The following NAALADL2 variants were observed in gnomAD, a reference collection of about 807,000 sequenced individuals.
The protein encoded by NAALADL2 is inactive N-acetylated-alpha-linked acidic dipeptidase-like protein 2.
In NAALADL2, 76 loss-of-function variants were observed where a neutral mutation model predicts 87.2. The observed-to-expected ratio is 0.87, with a 90% CI of 0.72 to 1.05. The LOEUF (loss-of-function observed/expected upper bound fraction) is 1.05, where lower values mean the gene tolerates loss of function less well. Ranked by LOEUF, NAALADL2 falls within the 50% of genes least tolerant of loss-of-function variation. The pLI is 0.00. For synonymous variants in NAALADL2, 354 were observed against 331.0 expected (o/e 1.07, Z -0.75); for missense variants, 1,089 against 945.8 (o/e 1.15, Z -1.99).
chr3:174,620,232 C>G (rs533266), intron 2 of NAALADL2, among the ~76,000 whole-genome samples: 98,231 of 151,862 alleles, frequency 0.65, 32,990 homozygotes, highest in East Asian at 0.86. Context: ...AATGAGTCCA[C>G]TTCTTGTCCT....
chr3:175,304,377 G>A (rs1757451003), intron 4 of NAALADL2, among the ~76,000 whole-genome samples: 1 of 152,096 alleles, frequency 6.6e-6, no homozygotes. Flanking sequence ...AGCTATGTAT[G>A]TATGTCCACA....
intron 3 of NAALADL2, among the ~76,000 whole-genome samples, chr3:174,793,732 G>A (rs1392705240): frequency 6.6e-6 from 1 of 151,636 alleles, no homozygotes; most frequent in Non-Finnish European, 1.5e-5. Context: ...CTCTCATACA[G>A]TGTCCTTTAA....
intron 1 of NAALADL2, among the ~76,000 whole-genome samples, chr3:174,861,779 A>T (rs570327523): frequency 2.1e-4 from 32 of 152,158 alleles, no homozygotes; most frequent in African/African-American, 7.5e-4. Context: ...TATTCATCAC[A>T]GTGCTTTTTC....
intron 5 of NAALADL2, among the ~76,000 whole-genome samples, chr3:175,372,557 A>G (rs1766643803): frequency 6.6e-6 from 1 of 152,194 alleles, no homozygotes; most frequent in Admixed American, 6.5e-5. Context: ...GTAATATTCC[A>G]CTTGGAGAAA....
intron 2 of NAALADL2, among the ~76,000 whole-genome samples, chr3:175,126,487 A>G (rs1726972068): frequency 6.6e-6 from 1 of 152,132 alleles, no homozygotes; most frequent in Non-Finnish European, 1.5e-5. Flanking sequence ...AAGTAACTGA[A>G]CAATTCCATT....
chr3:174,840,688 T>C (rs75940301), intron 3 of NAALADL2, among the ~76,000 whole-genome samples: 4,094 of 152,224 alleles, frequency 0.027, 179 homozygotes, highest in African/African-American at 0.093. Flanking sequence ...ATTCAGCCTC[T>C]TATCTTGAAA....
At chr3:175,359,198 C>A (rs1237257312) in intron 5 of NAALADL2, among the ~76,000 whole-genome samples, 1 of 152,058 alleles carries the variant, frequency 6.6e-6, no homozygotes, top group Non-Finnish European at 1.5e-5. Flanking sequence ...ATATTCTATT[C>A]TTGCCAATAT....
chr3:174,762,223 C>G (rs113069330), intron 3 of NAALADL2, among the ~76,000 whole-genome samples: 3 of 147,014 alleles, frequency 2.0e-5, no homozygotes, highest in East Asian at 2.0e-4. Context: ...GCAGTGGCGC[C>G]ATCTCAGCTC....
chr3:175,403,189 G>C (rs1711657908), intron 5 of NAALADL2, among the ~76,000 whole-genome samples: 1 of 151,690 alleles, frequency 6.6e-6, no homozygotes, highest in South Asian at 2.1e-4. Context: ...TTTCTTTTTT[G>C]CTTTGTTTTC....
rs202127351 is a variant in NAALADL2, at chr3:175,373,184, TA to T, written c.1090+48867del. On this transcript the variant is annotated intron_variant, in intron 5 of 13. Transcript: ENST00000454872. Reference sequence around the variant, plus strand: ...AACATATTGAGAAGTAACTTAAATATAAAAAAAAGCACCCAATTAAATGTAA... The same window carrying T: ...AACATATTGAGAAGTAACTTAAATATAAAAAAAGCACCCAATTAAATGTAA... Among the ~76,000 whole-genome samples the T allele has an allele frequency of 9.2e-3, 1,396 of 151,928 alleles. 20 individuals carry two copies. Among genetic ancestry groups the T allele is most frequent in the African/African-American group, 0.03 (1,234 of 41,448 alleles).
chr3:174,684,000 A>T (rs1428200272), intron 2 of NAALADL2, among the ~76,000 whole-genome samples: 1 of 151,906 alleles, frequency 6.6e-6, no homozygotes, highest in East Asian at 1.9e-4. Context: ...TATGCATCAC[A>T]TTTAGGGAAT....
At chr3:175,325,068 C>T (rs906897569) in intron 5 of NAALADL2, among the ~76,000 whole-genome samples, 3 of 152,134 alleles carry the variant, frequency 2.0e-5, no homozygotes, top group Non-Finnish European at 4.4e-5. Context: ...GTGATACTGA[C>T]CCATTAACCG....
At chr3:175,135,582 G>C (rs1205684873) in intron 2 of NAALADL2, among the ~76,000 whole-genome samples, 1 of 152,094 alleles carries the variant, frequency 6.6e-6, no homozygotes, top group African/African-American at 2.4e-5. Flanking sequence ...AAAAAAATCA[G>C]TCAAAAGAAA....
chr3:175,546,669 G>T (rs1221528491), intron 9 of NAALADL2, among the ~76,000 whole-genome samples: 1 of 152,022 alleles, frequency 6.6e-6, no homozygotes, highest in Non-Finnish European at 1.5e-5. Flanking sequence ...GATAAATTCT[G>T]GGTTGGAAAT....
chr3:174,996,974 GCT>G (rs1747548868), intron 1 of NAALADL2, among the ~76,000 whole-genome samples: 1 of 145,694 alleles, frequency 6.9e-6, no homozygotes, highest in African/African-American at 2.6e-5. Flanking sequence ...TCTTTTTATG[GCT>G]GAGTAGTATT....
At position 175,153,738 on chromosome 3, in the gene NAALADL2, G is replaced by A. The variant is rs536424538; in HGVS notation, c.545+56447G>A. ...GTCTGGCCCAGTCTGACTGAGCAAG[G>A]CAAACTCCTGGTGTCATTTAGTTTA... is the stretch of plus-strand genomic sequence containing the variant. On this transcript the variant is annotated intron_variant, in intron 2 of 13. Transcript: ENST00000454872. 4.3e-4 allele frequency among the ~76,000 whole-genome samples: 66 copies of A among 152,222 alleles called. 1 individual carries two copies. Among genetic ancestry groups the A allele is most frequent in the Admixed American group, 1.8e-3 (28 of 15,276 alleles).
chr3:174,885,893 T>C (rs1180702636), intron 1 of NAALADL2, among the ~76,000 whole-genome samples: 1 of 28,938 alleles, frequency 3.5e-5, no homozygotes, highest in South Asian at 1.4e-3. Flanking sequence ...TTTTTTTTTT[T>C]TTTTTTTTTT....
intron 3 of NAALADL2, among the ~76,000 whole-genome samples, chr3:174,838,021 G>GAAAAAAAAAAAAAAAAAA (rs77681462): frequency 3.6e-4 from 26 of 71,864 alleles, no homozygotes; most frequent in East Asian, 1.9e-3. Context: ...AACCAAAAAA[G>GAAAAAAAAAAAAAAAAAA]AAAAAAAAAA....
chr3:175,064,447 C>T (rs1714167637), intron 1 of NAALADL2, among the ~76,000 whole-genome samples: 1 of 152,116 alleles, frequency 6.6e-6, no homozygotes, highest in South Asian at 2.1e-4. Flanking sequence ...AGGCAAAGTG[C>T]CTCAGGGCTG....
Sources: allele counts gnomAD v4.1 joint callset (sites outside exome capture counted in the v4.1 genomes callset), GRCh38; gene constraint gnomAD v4.1.1; transcripts MANE v1.5; gene names NCBI Gene and HGNC (gene_info 2026-07-23, HGNC 2026-07-21).